NELL1: variants seen among roughly 807,000 people sequenced by gnomAD.
NELL1 encodes protein kinase C-binding protein NELL1.
Under a neutral mutation model 107.4 loss-of-function variants are expected in NELL1, and 76 were observed. The ratio of observed to expected loss-of-function variants is 0.71; its 90% CI spans 0.59 to 0.86. The LOEUF is 0.86. Ranked by LOEUF, NELL1 falls within the 40% of genes least tolerant of loss-of-function variation. The pLI is 0.00. For synonymous variants in NELL1, 353 were observed against 341.2 expected (o/e 1.03, Z -0.38); for missense variants, 1,024 against 1,005.5 (o/e 1.02, Z -0.25).
chr11:21,398,746 A>G (rs79357252), intron 15 of NELL1, among the ~76,000 whole-genome samples: 2,183 of 151,880 alleles, frequency 0.014, 55 homozygotes, highest in African/African-American at 0.047. Flanking sequence ...GTTCCTTTGT[A>G]TAATGCTTAA....
intron 16 of NELL1, among the ~76,000 whole-genome samples, chr11:21,548,379 G>A (rs1856493827): frequency 6.6e-6 from 1 of 151,842 alleles, no homozygotes; most frequent in African/African-American, 2.4e-5. Context: ...CAAGACTGGG[G>A]CAATTCCAAA....
intron 15 of NELL1, among the ~76,000 whole-genome samples, chr11:21,452,918 A>G (rs929853002): frequency 4.6e-5 from 7 of 151,750 alleles, no homozygotes; most frequent in East Asian, 1.9e-4. Context: ...TTTCTCTTTT[A>G]TTAGTGAATT....
Position 21,326,322 on chromosome 11 carries a change from C to T in NELL1, c.1550-44531C>T, listed in dbSNP as rs78688709. 2.6e-3 allele frequency among the ~76,000 whole-genome samples: 400 copies of T among 151,356 alleles called. 1 individual carries two copies. Among genetic ancestry groups the T allele is most frequent in the African/African-American group, 9.1e-3 (377 of 41,318 alleles). ...TTTTGTTTTTCCAATGGTTGCTCAACGATTTGCGGTATTTCACTTAAACTC... is the reference window on the plus strand; with the variant it reads ...TTTTGTTTTTCCAATGGTTGCTCAATGATTTGCGGTATTTCACTTAAACTC... On this transcript the variant is annotated intron_variant, in intron 14 of 19. Coordinates refer to ENST00000357134, the MANE Select transcript of NELL1 (RefSeq NM_006157.5).
chr11:21,356,601 A>G (rs1163408744), intron 14 of NELL1, among the ~76,000 whole-genome samples: 1 of 152,174 alleles, frequency 6.6e-6, no homozygotes, highest in African/African-American at 2.4e-5. Context: ...GATCTATATT[A>G]CTAGAGCATA....
chr11:20,855,815 G>A (rs921869169), intron 4 of NELL1, among the ~76,000 whole-genome samples: 1 of 152,098 alleles, frequency 6.6e-6, no homozygotes, highest in African/African-American at 2.4e-5. Context: ...TGCTTCACTT[G>A]TTGGAAAAGA....
At chr11:21,208,154 C>G (rs1012505923) in intron 13 of NELL1, among the ~76,000 whole-genome samples, 1 of 151,952 alleles carries the variant, frequency 6.6e-6, no homozygotes, top group Non-Finnish European at 1.5e-5. Flanking sequence ...ACTTGTTCAT[C>G]TTACATATTT....
At chr11:21,482,827 C>G (rs1854527333) in intron 15 of NELL1, among the ~76,000 whole-genome samples, 3 of 151,618 alleles carry the variant, frequency 2.0e-5, no homozygotes, top group Non-Finnish European at 4.4e-5. Flanking sequence ...GTTTTTCCCC[C>G]CAAGGAACAT....
At chr11:21,103,157 G>A (rs948130891) in intron 12 of NELL1, among the ~76,000 whole-genome samples, 4 of 152,124 alleles carry the variant, frequency 2.6e-5, no homozygotes, top group African/African-American at 9.7e-5. Flanking sequence ...AGGTCCACAG[G>A]CCCTTGTTTG....
intron 14 of NELL1, among the ~76,000 whole-genome samples, chr11:21,336,651 G>A (rs1945407): frequency 0.28 from 37,339 of 131,480 alleles, 5,254 homozygotes; most frequent in Admixed American, 0.39. Flanking sequence ...ATATGTGTGT[G>A]TATATATATA....
intron 5 of NELL1, among the ~76,000 whole-genome samples, chr11:20,906,594 C>T (rs1179679790): frequency 2.6e-5 from 4 of 151,962 alleles, no homozygotes. Flanking sequence ...CAACATTTCT[C>T]AACAAAATAC....
intron 12 of NELL1, among the ~76,000 whole-genome samples, chr11:21,015,801 C>T (rs1852550551): frequency 1.3e-5 from 2 of 152,068 alleles, no homozygotes; most frequent in African/African-American, 2.4e-5. Flanking sequence ...TGCCATTGCC[C>T]CTCATAAGCC....
intron 12 of NELL1, among the ~76,000 whole-genome samples, chr11:21,108,871 G>A (rs1331675387): frequency 2.0e-5 from 3 of 152,206 alleles, no homozygotes; most frequent in East Asian, 1.9e-4. Flanking sequence ...CCTTGCACAC[G>A]GATATAGAAT....
At chr11:20,758,082 G>A (rs1856337886) in intron 2 of NELL1, among the ~76,000 whole-genome samples, 1 of 152,050 alleles carries the variant, frequency 6.6e-6, no homozygotes, top group Non-Finnish European at 1.5e-5. Context: ...CCATCACGAC[G>A]GCTTTGTCTA....
At chr11:21,035,472 T>TAA (rs201070130) in intron 12 of NELL1, among the ~76,000 whole-genome samples, 3 of 133,074 alleles carry the variant, frequency 2.3e-5, no homozygotes, top group Non-Finnish European at 3.3e-5. Context: ...GCAAAAATCC[T>TAA]AAAAAAAAAA....
At chr11:20,694,934 T>G (rs1369832867) in intron 2 of NELL1, among the ~76,000 whole-genome samples, 1 of 152,054 alleles carries the variant, frequency 6.6e-6, no homozygotes, top group African/African-American at 2.4e-5. Flanking sequence ...ACATGGAACG[T>G]TTCTTCATTT....
intron 13 of NELL1, among the ~76,000 whole-genome samples, chr11:21,211,830 G>GT (rs1278107022): frequency 6.6e-6 from 1 of 151,820 alleles, no homozygotes; most frequent in Non-Finnish European, 1.5e-5. Context: ...TGTTTGTTTG[G>GT]TTTTTTTGTT....
chr11:21,264,071 G>GGTGTGTGTGTATGT (rs1554989863), intron 14 of NELL1, among the ~76,000 whole-genome samples: 34 of 139,532 alleles, frequency 2.4e-4, no homozygotes, highest in African/African-American at 8.8e-4. Flanking sequence ...TCTACAATGG[G>GGTGTGTGTGTATGT]GTGTGTGTGT....
intron 2 of NELL1, among the ~76,000 whole-genome samples, chr11:20,755,281 T>C (rs572798946): frequency 6.6e-6 from 1 of 152,156 alleles, no homozygotes; most frequent in Non-Finnish European, 1.5e-5. Flanking sequence ...ACCAGCATCC[T>C]GGATCCAGTT....
At chr11:20,723,135 C>A (rs868472722) in intron 2 of NELL1, among the ~76,000 whole-genome samples, 1 of 152,138 alleles carries the variant, frequency 6.6e-6, no homozygotes, top group African/African-American at 2.4e-5. Flanking sequence ...GAATACAGAA[C>A]CAAACCATAT....
Sources: allele counts gnomAD v4.1 joint callset (sites outside exome capture counted in the v4.1 genomes callset), GRCh38; gene constraint gnomAD v4.1.1; transcripts MANE v1.5; gene names NCBI Gene and HGNC (gene_info 2026-07-23, HGNC 2026-07-21).